Variants in FRYL observed in about 807,000 individuals in gnomAD.
The protein encoded by FRYL is FRY like transcription coactivator, also known as protein furry homolog-like.
Under a neutral mutation model 351.2 loss-of-function variants are expected in FRYL, and 150 were observed. That is an observed-to-expected ratio of 0.43 (90% confidence interval 0.37 to 0.49). The LOEUF (loss-of-function observed/expected upper bound fraction) is 0.49. FRYL is among the 20% of genes least tolerant of loss of function. The pLI is 0.00. For synonymous variants in FRYL, 1,153 were observed against 1,257.1 expected, an observed-to-expected ratio of 0.92 and a Z score of 1.75; for missense variants, 3,036 against 3,619.3, an observed-to-expected ratio of 0.84 and a Z score of 4.13.
rs745566339 is a variant in FRYL, at chr4:48,515,038, C to T, written c.7927G>A (p.Gly2643Arg). The T allele has an allele frequency of 2.6e-5, 42 of 1,613,388 alleles. No homozygotes were observed. The highest frequency in any genetic ancestry group is 1.2e-4 in the African/African-American group (9 of 74,850). The change falls in exon 56 of 64, where the codon GGA becomes AGA. Residue 2643 changes from glycine (G) to arginine (R), a missense_variant. Physicochemically the swap from Gly to Arg is moderately radical, Grantham distance 125. Transcript: ENST00000358350. ...RCEEEEADFS[G>R]LSSQDEEEQD... The stretch of plus-strand genomic sequence containing the variant: ...ATACTGTATTCTCACCTAGACAGTC[C>T]GGAGAAATCCGCTTCTTCTTCTTCA...
chr4:48,701,174 G>A (rs1424739166), intron 2 of FRYL, among the ~76,000 whole-genome samples: 1 of 152,104 alleles, frequency 6.6e-6, no homozygotes, highest in African/African-American at 2.4e-5. Context: ...CAAAAATTCA[G>A]TATAGGACCA....
chr4:48,739,641 T>G (rs894001339), intron 1 of FRYL, among the ~76,000 whole-genome samples: 1 of 151,838 alleles, frequency 6.6e-6, no homozygotes, highest in African/African-American at 2.4e-5. Context: ...TAGGAGCAAC[T>G]CTAGCTGACC....
chr4:48,551,457 A>G, intron 37 of FRYL, 37 bp downstream of exon 37: 1 of 1,178,672 alleles, frequency 8.5e-7, no homozygotes, highest in African/African-American at 1.5e-5. Flanking sequence ...AGTATCTGTC[A>G]AACTGAAAGG....
chr4:48,651,322 T>C (rs1321930244), intron 3 of FRYL, among the ~76,000 whole-genome samples: 42 of 148,770 alleles, frequency 2.8e-4, no homozygotes, highest in Non-Finnish European at 7.5e-5. Context: ...TGTGTGTGTG[T>C]GTGTGTGTGT....
At chr4:48,762,617 C>G (rs1339394550) in intron 1 of FRYL, among the ~76,000 whole-genome samples, 1 of 152,164 alleles carries the variant, frequency 6.6e-6, no homozygotes, top group Non-Finnish European at 1.5e-5. Flanking sequence ...CATTTTTAAT[C>G]TTTCTTGTGT....
chr4:48,714,349 G>A, intron 1 of FRYL, among the ~76,000 whole-genome samples: 1 of 132,054 alleles, frequency 7.6e-6, no homozygotes, highest in Admixed American at 8.0e-5. Flanking sequence ...TTTTTGAAAG[G>A]ATCAACAAAA....
chr4:48,711,564 G>C (rs1327731881), intron 1 of FRYL, among the ~76,000 whole-genome samples: 1 of 152,254 alleles, frequency 6.6e-6, no homozygotes, highest in African/African-American at 2.4e-5. Context: ...CAGCCGGGAA[G>C]CTCGAACTGG....
At chr4:48,566,331 T>C (rs1212044039) in intron 28 of FRYL, among the ~76,000 whole-genome samples, 14 of 152,332 alleles carry the variant, frequency 9.2e-5, no homozygotes, top group Middle Eastern at 3.4e-3. Flanking sequence ...TTTTCCCCCA[T>C]TTTGAAATTC....
chr4:48,534,726 T>A, intron 48 of FRYL, 41 bp from the exon 49 acceptor site: 1 of 1,261,106 alleles, frequency 7.9e-7, no homozygotes, highest in Non-Finnish European at 1.1e-6. Context: ...TATACTTTAA[T>A]CAGGTTGAAT....
chr4:48,650,673 G>A (rs1273064497), intron 3 of FRYL, among the ~76,000 whole-genome samples: 2 of 152,188 alleles, frequency 1.3e-5, no homozygotes, highest in Non-Finnish European at 2.9e-5. Flanking sequence ...GCAGAGGCTA[G>A]ATGATGAAAG....
At chr4:48,499,936 G>A in intron 63 of FRYL, 94 bp downstream of exon 63, 1 of 935,624 alleles carries the variant, frequency 1.1e-6, no homozygotes, top group South Asian at 1.6e-5. Flanking sequence ...ACAAAGACAT[G>A]ATATGGAAAC....
chr4:48,498,974 C>A lies in FRYL; in HGVS notation c.*448G>T. On this transcript the variant is annotated 3_prime_UTR_variant, in exon 64 of 64. Transcript: ENST00000358350. ...TGGATGGATGATTAAGCATCAATTG[C>A]AGGTTAGGTTTTCAACTGCTAGAAA... 1 of 180,824 alleles carries A rather than the reference C, an allele frequency of 5.5e-6. No individual in the cohort carries two copies. Among genetic ancestry groups the A allele is most frequent in the South Asian group, 1.2e-4 (1 of 8,158 alleles). 11.2% of individuals were successfully genotyped at this position (180,824 alleles called of 1,614,324 possible). A position where few individuals can be genotyped will look rare whatever the true frequency, so the allele number is the denominator to read the frequency against.
chr4:48,772,932 C>T (rs1281872982), intron 1 of FRYL, among the ~76,000 whole-genome samples: 2 of 152,200 alleles, frequency 1.3e-5, no homozygotes, highest in African/African-American at 4.8e-5. Context: ...CAACTACTGT[C>T]ATCCAACAGT....
At chr4:48,581,114 C>T (rs1007501047) in intron 21 of FRYL, among the ~76,000 whole-genome samples, 163 bp from the exon 22 acceptor site, 2 of 150,560 alleles carry the variant, frequency 1.3e-5, no homozygotes, top group South Asian at 2.1e-4. Flanking sequence ...AGCGCCATCT[C>T]GGCTCACTGC....
At chr4:48,746,771 T>C (rs1374396183) in intron 1 of FRYL, among the ~76,000 whole-genome samples, 1 of 152,068 alleles carries the variant, frequency 6.6e-6, no homozygotes, top group Non-Finnish European at 1.5e-5. Flanking sequence ...TTCTACCTAC[T>C]CTGAGGCCAC....
chr4:48,767,444 T>C (rs1421183393), intron 1 of FRYL, among the ~76,000 whole-genome samples: 1 of 152,108 alleles, frequency 6.6e-6, no homozygotes, highest in Non-Finnish European at 1.5e-5. Flanking sequence ...AGCCAAACCA[T>C]ATCATGCACA....
intron 60 of FRYL, 86 bp downstream of exon 60, chr4:48,505,461 A>G (rs1256543749): frequency 7.7e-6 from 6 of 784,266 alleles, no homozygotes; most frequent in African/African-American, 5.2e-5. Flanking sequence ...ATTTTTAGAA[A>G]TAATCAAATA....
intron 1 of FRYL, among the ~76,000 whole-genome samples, chr4:48,765,741 T>C (rs888579868): frequency 1.3e-5 from 2 of 152,080 alleles, no homozygotes; most frequent in Admixed American, 6.5e-5. Flanking sequence ...ACAGACCATA[T>C]ATCCAAAAAG....
At chr4:48,630,349 G>A (rs1228365885) in intron 4 of FRYL, among the ~76,000 whole-genome samples, 1 of 152,144 alleles carries the variant, frequency 6.6e-6, no homozygotes, top group African/African-American at 2.4e-5. Context: ...ACAGGGAGAA[G>A]AAACCCTTTA....
Sources: allele counts gnomAD v4.1 joint callset (sites outside exome capture counted in the v4.1 genomes callset), GRCh38; gene constraint gnomAD v4.1.1; transcripts MANE v1.5; gene names NCBI Gene and HGNC (gene_info 2026-07-23, HGNC 2026-07-21).